The following LASP1 variants were observed in gnomAD, a reference collection of about 807,000 sequenced individuals.
LASP1 encodes the protein LIM and SH3 protein 1, also known as LIM and SH3 domain protein 1.
A neutral mutation model predicts 38.6 loss-of-function variants in LASP1; 10 were observed. That is an observed-to-expected ratio of 0.26 (90% CI 0.16 to 0.44). The LOEUF (loss-of-function observed/expected upper bound fraction) is 0.44. Among genes scored for constraint, LASP1 ranks in the 20% least tolerant of loss-of-function variants. The probability of loss-of-function intolerance (pLI) is 1.00; values close to 1 mark genes in which losing one functional copy is unlikely to be tolerated. For missense variants in LASP1, 243 were observed against 375.7 expected, an observed-to-expected ratio of 0.65 and a Z score of 2.92; for synonymous variants, 132 against 140.8, an observed-to-expected ratio of 0.94 and a Z score of 0.44.
intron 4 of LASP1, among the ~76,000 whole-genome samples, chr17:38,906,118 G>T (rs1914771686): frequency 6.6e-6 from 1 of 152,122 alleles, no homozygotes; most frequent in South Asian, 2.1e-4. Context: ...TTGCATGGTG[G>T]TTGAGAACTG....
At chr17:38,897,758 C>T (rs867746908) in intron 3 of LASP1, among the ~76,000 whole-genome samples, 17 of 152,176 alleles carry the variant, frequency 1.1e-4, no homozygotes, top group Admixed American at 9.8e-4. Context: ...CCAGAATCCG[C>T]GGGGCCTGTC....
At chr17:38,874,999 A>G (rs1023391227) in intron 1 of LASP1, among the ~76,000 whole-genome samples, 11 of 151,266 alleles carry the variant, frequency 7.3e-5, no homozygotes, top group Admixed American at 3.9e-4. Flanking sequence ...TGTCTCCCCA[A>G]CGTCAATCAG....
At chr17:38,881,321 G>C (rs1396079787) in intron 2 of LASP1, among the ~76,000 whole-genome samples, 1 of 152,048 alleles carries the variant, frequency 6.6e-6, no homozygotes, top group Non-Finnish European at 1.5e-5. Flanking sequence ...CAGTCACCCA[G>C]GCTGGAGTGC....
At position 38,914,394 on chromosome 17, in the gene LASP1, C is replaced by T. The variant is rs776689372; in HGVS notation, c.427C>T (p.Arg143Cys). Residue 143 changes from arginine to cysteine, a missense_variant, in exon 5 of 7, where the codon CGT (arginine) becomes TGT (cysteine). Coordinates refer to ENST00000318008, the MANE Select transcript of LASP1 (RefSeq NM_006148.4). The stretch of plus-strand genomic sequence containing the variant: ...CGGGGGCGAGGGCATGGAGCCAGAG[C>T]GTCGGGATTCACAGGACGGCAGCAG... ...PSGGEGMEPE[R>C]RDSQDGSSYR... The T allele has an allele frequency of 8.1e-6, 13 of 1,611,938 alleles. No homozygotes were observed. Among genetic ancestry groups the T allele is most frequent in the Admixed American group, 5.0e-5 (3 of 59,956 alleles).
chr17:38,884,938 G>T (rs1215312796), intron 2 of LASP1, among the ~76,000 whole-genome samples: 1 of 152,070 alleles, frequency 6.6e-6, no homozygotes, highest in Non-Finnish European at 1.5e-5. Context: ...TGATCCGCCC[G>T]CTTCGGCCTC....
intron 4 of LASP1, among the ~76,000 whole-genome samples, chr17:38,905,255 G>A (rs1567702501): frequency 1.3e-5 from 2 of 152,208 alleles, no homozygotes; most frequent in Admixed American, 6.5e-5. Flanking sequence ...GGGCCGGGCC[G>A]TGGTGGTTCA....
chr17:38,894,685 C>T (rs776670369), intron 3 of LASP1, among the ~76,000 whole-genome samples: 6 of 152,092 alleles, frequency 3.9e-5, no homozygotes, highest in Admixed American at 6.6e-5. Context: ...GACTTCCAGC[C>T]CCGGCCCTTT....
intron 2 of LASP1, among the ~76,000 whole-genome samples, chr17:38,879,724 G>A (rs908746388): frequency 2.0e-4 from 30 of 151,602 alleles, no homozygotes; most frequent in Middle Eastern, 3.2e-3. Flanking sequence ...ACCCCCTCCC[G>A]TTCCCTGGCT....
Position 38,919,991 on chromosome 17 carries a change from C to A in LASP1, c.*1213C>A, listed in dbSNP as rs759519160. 7.5e-6 allele frequency: 4 copies of A among 535,102 alleles called. No individual in the cohort carries two copies. Among genetic ancestry groups the A allele is most frequent in the South Asian group, 6.1e-5 (4 of 65,178 alleles). The allele number at this position is 535,102 out of a possible 1,614,324, so 33.1% of individuals were successfully genotyped here. A position where few individuals can be genotyped will look rare whatever the true frequency, so the allele number is the denominator to read the frequency against. On this transcript the variant is annotated 3_prime_UTR_variant, in exon 7 of 7. Transcript: ENST00000318008. The stretch of plus-strand genomic sequence containing the variant: ...CTTCCCCTGAGAGTTTCCTCAGAAC[C>A]CACAGTGAGAGGGGAGGGCTCCTGG...
chr17:38,892,586 AC>A (rs1914365079), intron 3 of LASP1, among the ~76,000 whole-genome samples: 1 of 147,346 alleles, frequency 6.8e-6, no homozygotes, highest in Admixed American at 6.8e-5. Flanking sequence ...ACACACACAC[AC>A]ACACCCTTCT....
intron 4 of LASP1, among the ~76,000 whole-genome samples, chr17:38,904,232 A>G (rs1914718738): frequency 2.0e-5 from 3 of 152,294 alleles, no homozygotes. Context: ...TTATTTAATT[A>G]TGAGGGAACC....
chr17:38,897,615 G>C (rs1466863214), intron 3 of LASP1, among the ~76,000 whole-genome samples: 8 of 152,170 alleles, frequency 5.3e-5, no homozygotes, highest in Non-Finnish European at 1.2e-4. Flanking sequence ...TGTCTGACTT[G>C]AGTCCCTCTA....
chr17:38,890,512 G>A lies in LASP1; in HGVS notation c.249+8G>A. On this transcript the variant is annotated splice_region_variant and intron_variant, in intron 3 of 6. Transcript: ENST00000318008. Reference sequence around the variant, plus strand: ...AGTGAGCTCCAGAGTCAGGTGAGGGGCTGGGCGGTGCTGGGGCCTGGCAGG... The same window carrying A: ...AGTGAGCTCCAGAGTCAGGTGAGGGACTGGGCGGTGCTGGGGCCTGGCAGG... 1.2e-6 allele frequency: 2 copies of A among 1,612,364 alleles called. No homozygotes were observed. Among genetic ancestry groups the A allele is most frequent in the South Asian group, 2.2e-5 (2 of 91,062 alleles).
intron 4 of LASP1, among the ~76,000 whole-genome samples, chr17:38,912,210 G>A (rs1225889665): frequency 6.6e-6 from 1 of 152,252 alleles, no homozygotes; most frequent in African/African-American, 2.4e-5. Flanking sequence ...CTTTTCCCCT[G>A]TCCCATATGG....
intron 2 of LASP1, among the ~76,000 whole-genome samples, chr17:38,885,861 G>C (rs768206014): frequency 6.6e-6 from 1 of 152,216 alleles, no homozygotes; most frequent in Non-Finnish European, 1.5e-5. Context: ...GGTCAAATCA[G>C]TTGGAGCTTT....
chr17:38,881,035 C>T (rs1168603635), intron 2 of LASP1, among the ~76,000 whole-genome samples: 1 of 152,040 alleles, frequency 6.6e-6, no homozygotes, highest in Non-Finnish European at 1.5e-5. Context: ...CCTGGGAGGC[C>T]AGGGCTGCAG....
intron 3 of LASP1, among the ~76,000 whole-genome samples, chr17:38,894,339 G>T (rs1445959171): frequency 6.6e-6 from 1 of 152,136 alleles, no homozygotes; most frequent in Non-Finnish European, 1.5e-5. Flanking sequence ...ATTACAGGGG[G>T]GTTTCTATCC....
At chr17:38,903,984 C>T (rs1216771296) in intron 4 of LASP1, 2 of 152,206 alleles carry the variant, frequency 1.3e-5, no homozygotes, top group Admixed American at 6.5e-5. Context: ...GTATGGAAAA[C>T]TTTAGTCACT....
intron 4 of LASP1, among the ~76,000 whole-genome samples, chr17:38,902,950 G>C (rs1446760598): frequency 6.6e-6 from 1 of 152,126 alleles, no homozygotes; most frequent in African/African-American, 2.4e-5. Context: ...TGATCCACCT[G>C]CCTTGGCCTC....
Sources: allele counts gnomAD v4.1 joint callset (sites outside exome capture counted in the v4.1 genomes callset), GRCh38; gene constraint gnomAD v4.1.1; transcripts MANE v1.5; gene names NCBI Gene and HGNC (gene_info 2026-07-23, HGNC 2026-07-21).